Variants in DOCK8 observed in about 807,000 individuals in gnomAD.
The protein encoded by DOCK8 is dedicator of cytokinesis protein 8.
A neutral mutation model predicts 245.6 loss-of-function variants in DOCK8; 141 were observed. The observed-to-expected ratio is 0.57, with a 90% CI of 0.50 to 0.66. DOCK8 has a LOEUF of 0.66. DOCK8 is among the 30% of genes least tolerant of loss of function. DOCK8 has a pLI of 0.00. For synonymous variants in DOCK8, 1,168 were observed against 970.2 expected (o/e 1.20, Z -3.79); for missense variants, 2,965 against 2,603.4 (o/e 1.14, Z -3.02).
At chr9:329,199 G>A (rs563037573) in intron 9 of DOCK8, among the ~76,000 whole-genome samples, 119 of 152,192 alleles carry the variant, frequency 7.8e-4, no homozygotes, top group Non-Finnish European at 1.2e-3. Flanking sequence ...TGATTCACCT[G>A]TATTTGGTTC....
At chr9:323,338 C>G (rs935906740) in intron 7 of DOCK8, among the ~76,000 whole-genome samples, 1 of 149,208 alleles carries the variant, frequency 6.7e-6, no homozygotes. Flanking sequence ...ATTCTCCTGC[C>G]TCAGCCTCCC....
At chr9:365,103 G>A (rs2052918407) in intron 14 of DOCK8, among the ~76,000 whole-genome samples, 1 of 152,258 alleles carries the variant, frequency 6.6e-6, no homozygotes, top group African/African-American at 2.4e-5. Context: ...CCAAGGGCAA[G>A]GTCATGTAGG....
intron 5 of DOCK8, 77 bp downstream of exon 5, chr9:304,781 A>G: frequency 6.2e-7 from 1 of 1,600,220 alleles, no homozygotes; most frequent in Non-Finnish European, 8.6e-7. Context: ...TTTACAAACT[A>G]GAATAAACGA....
chr9:409,021 G>A (rs918677680), intron 28 of DOCK8, among the ~76,000 whole-genome samples: 2 of 152,148 alleles, frequency 1.3e-5, no homozygotes, highest in African/African-American at 4.8e-5. Flanking sequence ...AAAGTCATTA[G>A]ATACACTGTC....
chr9:432,554 C>G (rs1022777035), intron 37 of DOCK8, among the ~76,000 whole-genome samples: 1 of 152,112 alleles, frequency 6.6e-6, no homozygotes, highest in East Asian at 1.9e-4. Flanking sequence ...TGCTCAGTCT[C>G]AAAACAATTA....
At chr9:444,733 G>T (rs978054154) in intron 43 of DOCK8, among the ~76,000 whole-genome samples, 1 of 152,164 alleles carries the variant, frequency 6.6e-6, no homozygotes, top group Non-Finnish European at 1.5e-5. Flanking sequence ...GCATCACAAA[G>T]ACACCCATCA....
chr9:459,860 C>T (rs1421783451), intron 46 of DOCK8: 1 of 152,204 alleles, frequency 6.6e-6, no homozygotes, highest in Non-Finnish European at 1.5e-5. Context: ...CAGGATGGTT[C>T]AGAACTCTTA....
At chr9:211,891 G>A (rs1221653007), upstream of DOCK8, among the ~76,000 whole-genome samples, 21 of 151,930 alleles carry the variant, frequency 1.4e-4, no homozygotes, top group Non-Finnish European at 1.2e-4. Flanking sequence ...TGCCACCACC[G>A]ACCCCCCAAA....
intron 14 of DOCK8, among the ~76,000 whole-genome samples, chr9:349,911 T>C (rs1196220347): frequency 6.6e-6 from 1 of 152,188 alleles, no homozygotes; most frequent in Non-Finnish European, 1.5e-5. Context: ...TGAAAATTAT[T>C]CTTAATTTAT....
intron 5 of DOCK8, among the ~76,000 whole-genome samples, chr9:309,298 A>C (rs983229209): frequency 2.0e-5 from 3 of 152,216 alleles, no homozygotes; most frequent in Admixed American, 2.0e-4. Context: ...CGAAGTGTTA[A>C]TATTGATTAT....
intron 14 of DOCK8, among the ~76,000 whole-genome samples, chr9:344,684 C>T (rs1338344139): frequency 1.3e-5 from 2 of 152,148 alleles, no homozygotes; most frequent in African/African-American, 4.8e-5. Flanking sequence ...TCTTTTCAAG[C>T]AACGATCTCT....
rs2049936115 is a variant in DOCK8, at chr9:308,217, A to G, written c.528+3513A>G. 4.6e-5 allele frequency among the ~76,000 whole-genome samples: 7 copies of G among 152,358 alleles called. No individual in the cohort carries two copies. In the South Asian group the frequency reaches 1.4e-3, roughly 32 times the overall value. On this transcript the variant is annotated intron_variant, in intron 5 of 47. Coordinates refer to ENST00000432829, the MANE Select transcript of DOCK8 (RefSeq NM_203447.4). ...AGAAGAAAGGATTTTGAATGTTCCC[A>G]ACACAAAGAAATGATAATTGAGGCA...
chr9:324,175 C>G (rs567753936), intron 7 of DOCK8, among the ~76,000 whole-genome samples: 85 of 152,354 alleles, frequency 5.6e-4, no homozygotes, highest in African/African-American at 2.0e-3. Flanking sequence ...CCCTGGGAGT[C>G]TGCCATGATT....
chr9:420,491 C>G lies in DOCK8; in HGVS notation c.3931C>G (p.Leu1311Val), dbSNP rs1036949504. 4.3e-6 allele frequency: 7 copies of G among 1,614,004 alleles called. No homozygotes were observed. In the Admixed American group the frequency reaches 1.2e-4, roughly 27 times the overall value. ...LWIMKNADQS[L>V]IRKWIADLPS... ...GATCATGAAAAATGCTGATCAGAGC[C>G]TCATTAGGAAGTGGATTGCTGACCT... Residue 1311 changes from leucine (L) to valine (V), a missense_variant, in exon 31 of 48, where the codon CTC (leucine) becomes GTC (valine). Coordinates refer to ENST00000432829, the MANE Select transcript of DOCK8 (RefSeq NM_203447.4).
Position 422,131 on chromosome 9 carries a change from G to A in DOCK8, c.4237G>A (p.Asp1413Asn), listed in dbSNP as rs770909878. ...THWRQANEKL[D>N]KTKAELDQEA... The stretch of plus-strand genomic sequence containing the variant: ...TTGGCGGCAAGCTAATGAGAAGCTA[G>A]ATAAGTGAGTCACTCGGCAACTTTC... The change falls in exon 33 of 48, where the codon GAT becomes AAT. Residue 1413 changes from aspartate (D) to asparagine (N), a missense_variant. Transcript: ENST00000432829. 1 of 1,614,006 alleles carries A rather than the reference G, an allele frequency of 6.2e-7. No homozygotes were observed. The highest frequency in any genetic ancestry group is 1.7e-5 in the Admixed American group (1 of 60,018).
chr9:361,315 A>G (rs2052717874), intron 14 of DOCK8, among the ~76,000 whole-genome samples: 1 of 152,212 alleles, frequency 6.6e-6, no homozygotes, highest in Non-Finnish European at 1.5e-5. Flanking sequence ...AGGATCCCAG[A>G]CAGATTGATT....
chr9:400,390 ACCACCACC>A (rs2054856357), intron 26 of DOCK8, among the ~76,000 whole-genome samples: 1 of 74,856 alleles, frequency 1.3e-5, no homozygotes, highest in African/African-American at 5.4e-5. Flanking sequence ...CATCACCATC[ACCACCACC>A]TCCACCATCA....
intron 22 of DOCK8, among the ~76,000 whole-genome samples, chr9:385,157 C>G (rs2053898674): frequency 6.6e-6 from 1 of 152,046 alleles, no homozygotes; most frequent in Admixed American, 6.6e-5. Context: ...ATCGTATAAA[C>G]TTAAAATTAA....
chr9:277,270 G>A (rs13288771), intron 2 of DOCK8, among the ~76,000 whole-genome samples: 82,443 of 150,910 alleles, frequency 0.55, 23,758 homozygotes, highest in African/African-American at 0.74. Flanking sequence ...AAGTTAAAAA[G>A]AAAAATTAGC....
Sources: gnomAD v4.1 joint callset for allele counts (sites outside exome capture counted in the v4.1 genomes callset) on GRCh38, gnomAD v4.1.1 for gene constraint, MANE v1.5 for transcripts, NCBI Gene and HGNC (gene_info 2026-07-23, HGNC 2026-07-21) for gene names.